The following PBX4 variants were observed in gnomAD, a reference collection of about 807,000 sequenced individuals.
The protein encoded by PBX4 is pre-B-cell leukemia transcription factor 4.
A neutral mutation model predicts 35.1 loss-of-function variants in PBX4; 26 were observed. That is an observed-to-expected ratio of 0.74 (90% CI 0.54 to 1.03). PBX4 has a LOEUF of 1.03. PBX4 is among the 50% of genes least tolerant of loss of function. The pLI, the probability that PBX4 is intolerant of heterozygous loss-of-function variation, is 0.00. For synonymous variants in PBX4, 199 were observed against 204.2 expected (o/e 0.97, Z 0.22); for missense variants, 448 against 504.3 (o/e 0.89, Z 1.07).
At chr19:19,615,841 G>A (rs2061686180) in intron 1 of PBX4, among the ~76,000 whole-genome samples, 1 of 152,290 alleles carries the variant, frequency 6.6e-6, no homozygotes, top group African/African-American at 2.4e-5. Context: ...AGTGAGCCGA[G>A]ATAGCGCCAC....
At position 19,565,016 on chromosome 19, in the gene PBX4, A is replaced by G; in HGVS notation, c.842T>C (p.Ile281Thr). Residue 281 changes from isoleucine to threonine, a missense_variant, in exon 6 of 8, where the codon ATT (isoleucine) becomes ACT (threonine). Transcript: ENST00000251203. Reference protein sequence around the residue: ...NMGKFQEEATIYTGKTAVDTT... With the variant: ...NMGKFQEEATTYTGKTAVDTT... ...ATCCACAGCCGTTTTACCCGTGTAA[A>G]TGGTAGCCTCTTCTTGAAACTTCCC... 3.1e-6 allele frequency: 5 copies of G among 1,614,194 alleles called. No individual in the cohort carries two copies. The highest frequency in any genetic ancestry group is 4.2e-6 in the Non-Finnish European group (5 of 1,180,040).
At position 19,601,866 on chromosome 19, in the gene PBX4, C is replaced by T. The variant is rs1309847809; in HGVS notation, c.120-2501G>A. On this transcript the variant is annotated intron_variant, in intron 1 of 7. Coordinates refer to ENST00000251203, the MANE Select transcript of PBX4 (RefSeq NM_025245.3). ...TTTCTGACCTACCGAAATGTAAAATCGGTGGCTCATGCCTGTAATTCTAGC... is the reference window on the plus strand; with the variant it reads ...TTTCTGACCTACCGAAATGTAAAATTGGTGGCTCATGCCTGTAATTCTAGC... Among the ~76,000 whole-genome samples, 7 of 152,102 alleles carry T rather than the reference C, an allele frequency of 4.6e-5. 1 individual carries two copies. The highest frequency in any genetic ancestry group is 4.1e-4 in the South Asian group (2 of 4,824).
Position 19,562,616 on chromosome 19 carries a change from G to A in PBX4, c.1033-499C>T, listed in dbSNP as rs1164985541. Among the ~76,000 whole-genome samples the A allele has an allele frequency of 1.3e-5, 2 of 152,196 alleles. No homozygotes were observed. Among genetic ancestry groups the A allele is most frequent in the Admixed American group, 1.3e-4 (2 of 15,284 alleles). On this transcript the variant is annotated intron_variant, in intron 7 of 7. Transcript: ENST00000251203. This position sits in a 1 kb window ranked among gnomAD's most constrained non-coding sequence, Gnocchi z 4.8. ...GTGCAGAGACGGCATCACGTCCAAC[G>A]GCGCTAAGACGTTTGTCCACAGGAC...
chr19:19,564,683 G>A, intron 6 of PBX4: 1 of 479,684 alleles, frequency 2.1e-6, no homozygotes, highest in East Asian at 3.7e-5. Context: ...TTACAGGTGT[G>A]AGCCACCGCA....
chr19:19,612,406 C>T (rs10500212), intron 1 of PBX4, among the ~76,000 whole-genome samples: 15,611 of 152,182 alleles, frequency 0.1, 913 homozygotes, highest in African/African-American at 0.16. Context: ...TTCCTTCTTG[C>T]TAAACAGTTG....
intron 6 of PBX4, chr19:19,564,679 G>A (rs1049117342): frequency 7.9e-5 from 37 of 468,546 alleles, no homozygotes; most frequent in African/African-American, 6.2e-4. Flanking sequence ...GGGATTACAG[G>A]TGTGAGCCAC....
intron 6 of PBX4, among the ~76,000 whole-genome samples, chr19:19,564,119 T>C (rs2061326028): frequency 6.7e-6 from 1 of 149,222 alleles, no homozygotes; most frequent in South Asian, 2.2e-4. Context: ...ATTAGGTATA[T>C]CTCCCAATGC....
At chr19:19,599,156 A>G in intron 2 of PBX4, 136 bp downstream of exon 2, 1 of 664,402 alleles carries the variant, frequency 1.5e-6, no homozygotes, top group Non-Finnish European at 2.6e-6. Context: ...TTTAATAGAG[A>G]CAGGGTTTCT....
intron 5 of PBX4, among the ~76,000 whole-genome samples, chr19:19,569,052 T>G (rs1035619870): frequency 6.6e-6 from 1 of 152,176 alleles, no homozygotes; most frequent in Non-Finnish European, 1.5e-5. Context: ...ACTTGGCTCC[T>G]GTTCCACACT....
chr19:19,573,673 G>C (rs1395556350), intron 2 of PBX4, among the ~76,000 whole-genome samples: 1 of 152,012 alleles, frequency 6.6e-6, no homozygotes, highest in Non-Finnish European at 1.5e-5. Flanking sequence ...ACATGAGATT[G>C]GTTAAGTAAA....
At chr19:19,609,731 T>G (rs934480661) in intron 1 of PBX4, among the ~76,000 whole-genome samples, 16 of 136,190 alleles carry the variant, frequency 1.2e-4, no homozygotes, top group South Asian at 2.4e-4. Flanking sequence ...GGTGCCTGTA[T>G]TCCCAGCTAC....
At chr19:19,616,422 T>C (rs2061689112) in intron 1 of PBX4, among the ~76,000 whole-genome samples, 1 of 151,862 alleles carries the variant, frequency 6.6e-6, no homozygotes. Flanking sequence ...ATTCAAGTGT[T>C]TCTCCTGCCT....
intron 1 of PBX4, among the ~76,000 whole-genome samples, chr19:19,604,244 G>A (rs924381918): frequency 6.6e-6 from 1 of 151,868 alleles, no homozygotes; most frequent in Non-Finnish European, 1.5e-5. Flanking sequence ...GCTGAGATGG[G>A]GGGATCACTT....
rs372805124 is a variant in PBX4 at position 19,586,345 on chromosome 19, C to T, written c.193+12947G>A. Among the ~76,000 whole-genome samples the T allele has an allele frequency of 2.9e-4, 44 of 152,044 alleles. 1 individual carries two copies. The East Asian group carries it at 7.5e-3, about 26-fold the overall frequency. ...GGAGGATCACCTGAACCTGGGAAGT[C>T]AAGAATGCATTGAGCCATGATCATG... is the stretch of plus-strand genomic sequence containing the variant. On this transcript the variant is annotated intron_variant, in intron 2 of 7. Coordinates refer to ENST00000251203, the MANE Select transcript of PBX4 (RefSeq NM_025245.3).
chr19:19,600,983 C>T (rs2061594113), intron 1 of PBX4, among the ~76,000 whole-genome samples: 1 of 152,100 alleles, frequency 6.6e-6, no homozygotes, highest in Non-Finnish European at 1.5e-5. Flanking sequence ...TTACTGAGTA[C>T]CTACTATGTG....
chr19:19,564,545 C>T (rs912009632), intron 6 of PBX4, among the ~76,000 whole-genome samples: 3 of 152,078 alleles, frequency 2.0e-5, no homozygotes, highest in Admixed American at 6.6e-5. Flanking sequence ...AGGCACTGCA[C>T]CCAGCCCATG....
chr19:19,609,590 C>T (rs57504626), intron 1 of PBX4, among the ~76,000 whole-genome samples: 15,177 of 150,106 alleles, frequency 0.1, 878 homozygotes, highest in African/African-American at 0.16. Flanking sequence ...GTGATTCACG[C>T]CTGTAATCCC....
At chr19:19,579,488 C>A (rs1309585786) in intron 2 of PBX4, among the ~76,000 whole-genome samples, 1 of 152,238 alleles carries the variant, frequency 6.6e-6, no homozygotes, top group Non-Finnish European at 1.5e-5. Flanking sequence ...GGGAACCCTC[C>A]TTTGCCCTGA....
At chr19:19,581,977 C>A (rs913057341) in intron 2 of PBX4, among the ~76,000 whole-genome samples, 1 of 152,098 alleles carries the variant, frequency 6.6e-6, no homozygotes, top group Non-Finnish European at 1.5e-5. Context: ...CAGGAGAGTG[C>A]CCTGGGATGT....
Sources: allele counts gnomAD v4.1 joint callset (sites outside exome capture counted in the v4.1 genomes callset), GRCh38; gene constraint gnomAD v4.1.1; non-coding constraint Gnocchi (gnomAD v3.1); transcripts MANE v1.5; gene names NCBI Gene and HGNC (gene_info 2026-07-23, HGNC 2026-07-21).